Variants in RNF150 observed in about 807,000 individuals in gnomAD.
RNF150 encodes ring finger protein 150.
RNF150 carries 24 observed loss-of-function variants against 39.3 expected under a neutral mutation model. That is an observed-to-expected ratio of 0.61 (90% CI 0.44 to 0.86). The LOEUF (loss-of-function observed/expected upper bound fraction) is 0.86, where lower values mean the gene tolerates loss of function less well. Ranked by LOEUF, RNF150 falls within the 40% of genes least tolerant of loss-of-function variation. RNF150 has a pLI of 0.00. For synonymous variants in RNF150, 255 were observed against 227.3 expected (o/e 1.12, Z -1.10); for missense variants, 502 against 587.8 (o/e 0.85, Z 1.51).
intron 1 of RNF150, among the ~76,000 whole-genome samples, chr4:141,113,889 C>T (rs951240372): frequency 4.6e-5 from 7 of 152,034 alleles, no homozygotes; most frequent in African/African-American, 2.4e-5. Context: ...ATAACTACAT[C>T]GAAACTGAAC....
intron 1 of RNF150, among the ~76,000 whole-genome samples, chr4:141,164,208 T>C (rs1727562064): frequency 6.7e-6 from 1 of 149,816 alleles, no homozygotes; most frequent in African/African-American, 2.5e-5. Context: ...ATATCAGAGA[T>C]TAAAGATCAA....
Position 141,180,996 on chromosome 4 carries a change from T to A in RNF150, c.-6+31798A>T, listed in dbSNP as rs573689802. Among the ~76,000 whole-genome samples, 7 of 152,330 alleles carry A rather than the reference T, an allele frequency of 4.6e-5. No homozygotes were observed. In the East Asian group the frequency reaches 1.3e-3, roughly 29 times the overall value. ...GAGTTTTTTTATATTTATTATTCTTTGAAAAGGTGATATAGATAGAAAGTC... is the reference window on the plus strand; with the variant it reads ...GAGTTTTTTTATATTTATTATTCTTAGAAAAGGTGATATAGATAGAAAGTC... On this transcript the variant is annotated intron_variant, in intron 1 of 7. Coordinates refer to the RNF150 transcript ENST00000420921.
At position 140,871,200 on chromosome 4, in the gene RNF150, C is replaced by T. The variant is rs80001818; in HGVS notation, c.1199-2821G>A. On this transcript the variant is annotated intron_variant, in intron 6 of 6. Transcript: ENST00000515673. ...AATTTGGACTGGATGCATTAGAGTC[C>T]TTTCCAGTTGTTGTTTATGCATGTT... is the stretch of plus-strand genomic sequence containing the variant. Among the ~76,000 whole-genome samples the T allele has an allele frequency of 6.0e-3, 908 of 151,868 alleles. 13 individuals are homozygous for T. The highest frequency in any genetic ancestry group is 0.019 in the African/African-American group (807 of 41,400).
chr4:141,002,631 CT>C (rs759120763), intron 1 of RNF150, among the ~76,000 whole-genome samples: 2 of 152,106 alleles, frequency 1.3e-5, no homozygotes, highest in Non-Finnish European at 2.9e-5. Flanking sequence ...ATTGCTAAAC[CT>C]TTTAGGAAGG....
At chr4:141,045,630 GC>G (rs1736547110) in intron 1 of RNF150, among the ~76,000 whole-genome samples, 1 of 151,724 alleles carries the variant, frequency 6.6e-6, no homozygotes, top group African/African-American at 2.4e-5. Flanking sequence ...TGAAACCTCC[GC>G]CTCCCGGTTT....
At chr4:141,128,868 G>A (rs1726821733) in intron 1 of RNF150, among the ~76,000 whole-genome samples, 2 of 152,126 alleles carry the variant, frequency 1.3e-5, no homozygotes, top group African/African-American at 2.4e-5. Flanking sequence ...ACAAGACTAT[G>A]TTAAAAAGTA....
At chr4:141,068,419 T>A (rs1578690773) in intron 1 of RNF150, among the ~76,000 whole-genome samples, 4 of 152,306 alleles carry the variant, frequency 2.6e-5, no homozygotes, top group African/African-American at 7.2e-5. Context: ...TTCATCTATA[T>A]CTCTGTTTTG....
Position 140,861,787 on chromosome 4 carries a change from T to A in RNF150, c.*6474A>T, listed in dbSNP as rs1728502151. On this transcript the variant is annotated 3_prime_UTR_variant, in exon 7 of 7. Transcript: ENST00000515673. ...TTCACATTCTCAAAGAGAACAATGT[T>A]CTGAGTTCAGTAAAGCGCTAGATTT... 1 of 152,228 alleles carries A rather than the reference T, an allele frequency of 6.6e-6. No homozygotes were observed. Among genetic ancestry groups the A allele is most frequent in the Admixed American group, 6.5e-5 (1 of 15,284 alleles). 9.4% of individuals were successfully genotyped at this position (152,228 alleles called of 1,614,324 possible). A position where few individuals can be genotyped will look rare whatever the true frequency, so the allele number is the denominator to read the frequency against.
chr4:141,053,973 A>G (rs1736875945), intron 1 of RNF150, among the ~76,000 whole-genome samples: 1 of 152,166 alleles, frequency 6.6e-6, no homozygotes, highest in Non-Finnish European at 1.5e-5. Context: ...CACTCCTTCT[A>G]AAAACTGCAT....
chr4:141,192,615 G>A lies in RNF150; in HGVS notation c.-6+20179C>T, dbSNP rs533712658. The stretch of plus-strand genomic sequence containing the variant: ...GAGTGGATGTTGGCCAAAGCATAGG[G>A]GGAAGACATGTAGGAGAGTTCTAAG... On this transcript the variant is annotated intron_variant, in intron 1 of 7. Transcript: ENST00000420921. Among the ~76,000 whole-genome samples the A allele has an allele frequency of 4.6e-5, 7 of 152,270 alleles. No homozygotes were observed. The South Asian group carries it at 1.5e-3, about 32-fold the overall frequency.
intron 6 of RNF150, among the ~76,000 whole-genome samples, chr4:140,887,729 C>T (rs999404585): frequency 2.0e-5 from 3 of 152,114 alleles, no homozygotes; most frequent in African/African-American, 2.4e-5. Context: ...AAAGGTCAAG[C>T]TGCAGAACAC....
At chr4:140,879,232 TG>T (rs1404773329) in intron 6 of RNF150, among the ~76,000 whole-genome samples, 2 of 152,232 alleles carry the variant, frequency 1.3e-5, no homozygotes, top group Non-Finnish European at 2.9e-5. Context: ...GGAGTAAATA[TG>T]AGTTTTAGGA....
chr4:141,212,420 C>T (rs1728482149), intron 1 of RNF150, among the ~76,000 whole-genome samples: 1 of 152,168 alleles, frequency 6.6e-6, no homozygotes, highest in African/African-American at 2.4e-5. Context: ...TCTTATTCCA[C>T]TGCAGAATAC....
chr4:140,914,451 G>C (rs1434983776), intron 5 of RNF150, among the ~76,000 whole-genome samples: 1 of 152,220 alleles, frequency 6.6e-6, no homozygotes. Context: ...AAGTTAGCAT[G>C]GGAAACCCCT....
chr4:140,921,673 A>G (rs1731155080), intron 5 of RNF150, among the ~76,000 whole-genome samples: 1 of 152,160 alleles, frequency 6.6e-6, no homozygotes, highest in Non-Finnish European at 1.5e-5. Context: ...CAAAAGAGAG[A>G]ATTTTAGACC....
chr4:141,147,625 G>A (rs1560759398), intron 1 of RNF150, among the ~76,000 whole-genome samples: 1 of 152,192 alleles, frequency 6.6e-6, no homozygotes, highest in Non-Finnish European at 1.5e-5. Flanking sequence ...TCTTAGCCAA[G>A]TGGGCTTGCA....
chr4:141,136,244 A>C (rs796325522), upstream of RNF150, among the ~76,000 whole-genome samples: 3 of 152,276 alleles, frequency 2.0e-5, no homozygotes, highest in African/African-American at 4.8e-5. Context: ...CCTGACTTGG[A>C]TATTTATATT....
At chr4:140,980,028 C>T (rs1304211786) in intron 1 of RNF150, among the ~76,000 whole-genome samples, 1 of 152,022 alleles carries the variant, frequency 6.6e-6, no homozygotes, top group African/African-American at 2.4e-5. Context: ...CACAATGAAT[C>T]CCCTTAAGGC....
chr4:140,898,396 G>A (rs1262544409), intron 6 of RNF150, among the ~76,000 whole-genome samples: 1 of 151,962 alleles, frequency 6.6e-6, no homozygotes, highest in South Asian at 2.1e-4. Flanking sequence ...CTGAGACATG[G>A]CTAACTACTA....
Sources: gnomAD v4.1 joint callset for allele counts (sites outside exome capture counted in the v4.1 genomes callset) on GRCh38, gnomAD v4.1.1 for gene constraint, MANE v1.5 for transcripts, NCBI Gene and HGNC (gene_info 2026-07-23, HGNC 2026-07-21) for gene names.